LTK: variants seen among roughly 807,000 people sequenced by gnomAD.
The protein encoded by LTK is leukocyte tyrosine kinase receptor.
LTK carries 117 observed loss-of-function variants against 101.5 expected under a neutral mutation model. That is an observed-to-expected ratio of 1.15 (90% CI 0.99 to 1.34). LTK has a LOEUF of 1.34. Among genes scored for constraint, LTK ranks in the 40% most tolerant of loss-of-function variants. LTK has a pLI of 0.00. For synonymous variants in LTK, 563 were observed against 494.2 expected (o/e 1.14, Z -1.85); for missense variants, 1,252 against 1,164.7 (o/e 1.07, Z -1.09).
At chr15:41,504,662 C>T (rs1595455117) in intron 17 of LTK, 22 bp from the exon 18 acceptor site, 2 of 1,610,460 alleles carry the variant, frequency 1.2e-6, no homozygotes, top group Non-Finnish European at 1.7e-6. Flanking sequence ...GTGGGGGAAC[C>T]AAGTGAGGCC....
intron 1 of LTK, 114 bp downstream of exon 1, chr15:41,513,553 G>C (rs937937990): frequency 1.0e-6 from 1 of 967,888 alleles, no homozygotes; most frequent in African/African-American, 1.6e-5. Flanking sequence ...ATTTGGCTGT[G>C]AGAGTTCGAG....
At position 41,506,882 on chromosome 15, in the gene LTK, G is replaced by A. The variant is rs910411555; in HGVS notation, c.1541+213C>T. On this transcript the variant is annotated intron_variant, in intron 11 of 19. Transcript: ENST00000263800. ...TGGGATTACAGGTGTGAGCCACCAC[G>A]CCCAGCTGAGAGATCATATTCTAAG... Among the ~76,000 whole-genome samples the A allele has an allele frequency of 3.3e-5, 5 of 152,324 alleles. No homozygotes were observed. In the South Asian group the frequency reaches 8.3e-4, roughly 25 times the overall value.
At chr15:41,508,961 G>C in intron 8 of LTK, 70 bp downstream of exon 8, 1 of 1,029,272 alleles carries the variant, frequency 9.7e-7, no homozygotes, top group South Asian at 1.5e-5. Flanking sequence ...CTTCAGTGCA[G>C]TGCAGGAGTG....
Position 41,511,685 on chromosome 15 carries a change from C to A in LTK, c.658-107G>T. ...GGGCCTGGATAAGGGCAGGGGCCCC[C>A]AGCCCAGCCCAGGCCAGCCCAGCCC... is the stretch of plus-strand genomic sequence containing the variant. On this transcript the variant is annotated intron_variant, in intron 5 of 19. Coordinates refer to ENST00000263800, the MANE Select transcript of LTK (RefSeq NM_002344.6). The surrounding 1 kb of genome is among the most constrained non-coding windows in gnomAD (Gnocchi z 5.9). 7.1e-7 allele frequency: 1 copy of A among 1,408,136 alleles called. No homozygotes were observed. The highest frequency in any genetic ancestry group is 9.2e-7 in the Non-Finnish European group (1 of 1,088,788). 87.2% of individuals were successfully genotyped at this position (1,408,136 alleles called of 1,614,324 possible).
In LTK at chr15:41,511,215, C is replaced by T; in HGVS notation, c.946G>A (p.Gly316Arg). 1 of 1,389,214 alleles carries T rather than the reference C, an allele frequency of 7.2e-7. No individual in the cohort carries two copies. Among genetic ancestry groups the T allele is most frequent in the East Asian group, 3.1e-5 (1 of 31,888 alleles). 86.1% of individuals were successfully genotyped at this position (1,389,214 alleles called of 1,614,324 possible). A position where few individuals can be genotyped will look rare whatever the true frequency, so the allele number is the denominator to read the frequency against. Residue 316 changes from glycine (G) to arginine (R), a missense_variant, in exon 7 of 20, where the codon GGG becomes AGG. Coordinates refer to ENST00000263800, the MANE Select transcript of LTK (RefSeq NM_002344.6). This position sits in a 1 kb window ranked among gnomAD's most constrained non-coding sequence, Gnocchi z 5.9. Reference protein sequence around the residue: ...TLGWAAAGGFGGGGGACTAGG... With the variant: ...TLGWAAAGGFRGGGGACTAGG... ...GCAGTGCAGGCCCCGCCGCCGCCCCCGAAGCCGCCGGCCGCGGCCCAGCCA... is the reference window on the plus strand; with the variant it reads ...GCAGTGCAGGCCCCGCCGCCGCCCCTGAAGCCGCCGGCCGCGGCCCAGCCA...
chr15:41,507,926 C>T, intron 9 of LTK, 143 bp downstream of exon 9: 1 of 859,612 alleles, frequency 1.2e-6, no homozygotes, highest in African/African-American at 1.7e-5. Flanking sequence ...GCACTGTGCA[C>T]CGATGAATCT....
chr15:41,513,184 A>C, intron 1 of LTK, 64 bp from the exon 2 acceptor site: 1 of 1,504,920 alleles, frequency 6.6e-7, no homozygotes. Context: ...TGAAAGAAAG[A>C]GAGAACCCCG....
chr15:41,511,095 C>T lies in LTK; in HGVS notation c.997+69G>A. 7.6e-7 allele frequency: 1 copy of T among 1,313,064 alleles called. No individual in the cohort carries two copies. Among genetic ancestry groups the T allele is most frequent in the African/African-American group, 1.5e-5 (1 of 65,166 alleles). 81.3% of individuals were successfully genotyped at this position (1,313,064 alleles called of 1,614,324 possible). A position where few individuals can be genotyped will look rare whatever the true frequency, so the allele number is the denominator to read the frequency against. On this transcript the variant is annotated intron_variant, in intron 7 of 19. Coordinates refer to ENST00000263800, the MANE Select transcript of LTK (RefSeq NM_002344.6). The surrounding 1 kb of genome is among the most constrained non-coding windows in gnomAD (Gnocchi z 5.9). ...CACCTATCCTCCCGAGGGCTCCGGC[C>T]TGTACTTAGGTTCTAACATCACCTC...
chr15:41,504,608 GAGA>G lies in LTK; in HGVS notation c.2150_2152del (p.Phe717del). 1 of 1,613,628 alleles carries G rather than the reference GAGA, an allele frequency of 6.2e-7. No homozygotes were observed. Among genetic ancestry groups the G allele is most frequent in the South Asian group, 1.1e-5 (1 of 91,084 alleles). ...CCCAGGATAGGGCATGTAGCCCAGT[GAGA>G]AGATCTCCCAGAGCAGCACCCCAAA... On this transcript the variant is annotated inframe_deletion, in exon 18 of 20. Transcript: ENST00000263800.
Position 41,503,817 on chromosome 15 carries a change from TG to T in LTK, c.*178del. 2.7e-6 allele frequency: 2 copies of T among 742,868 alleles called. No individual in the cohort carries two copies. Among genetic ancestry groups the T allele is most frequent in the Non-Finnish European group, 4.3e-6 (2 of 465,856 alleles). The allele number at this position is 742,868 out of a possible 1,614,324, so 46.0% of individuals were successfully genotyped here. ...TGGCTGGGCCCTTCCCTGGGAGGCC[TG>T]GGCTGGTTTCCAGCATGGCAAGTGC... On this transcript the variant is annotated 3_prime_UTR_variant, in exon 20 of 20. Coordinates refer to ENST00000263800, the MANE Select transcript of LTK (RefSeq NM_002344.6).
chr15:41,505,289 A>G lies in LTK; in HGVS notation c.1844T>C (p.Leu615Pro). 6.2e-7 allele frequency: 1 copy of G among 1,613,976 alleles called. No homozygotes were observed. The highest frequency in any genetic ancestry group is 8.5e-7 in the Non-Finnish European group (1 of 1,179,978). The stretch of plus-strand genomic sequence containing the variant: ...CAGTTGCAGCAGGTCCCGCATGACC[A>G]GAGGTGATGGCTGGCCCTGGGTCAG... ...SRPHLGQPSP[L>P]VMRDLLQLAQ... is the part of the protein sequence containing the mutation. The change falls in exon 15 of 20, where the codon CTG (leucine) becomes CCG (proline). Residue 615 changes from leucine to proline, a missense_variant. Physicochemically the swap from Leu to Pro is moderately conservative, Grantham distance 98 (BLOSUM62 -3). Transcript: ENST00000263800.
In LTK at chr15:41,505,977, C is replaced by A; in HGVS notation, c.1570G>T (p.Val524Leu). ...RALGHGAFGE[V>L]YEGLVIGLPG... ...AGGCCAATTACCAGTCCCTCATACA[C>A]CTCCCCAAAGGCACCATGGCCCAGG... is the stretch of plus-strand genomic sequence containing the variant. The change falls in exon 12 of 20, where the codon GTG becomes TTG. Residue 524 changes from valine (V) to leucine (L), a missense_variant. Transcript: ENST00000263800. 6.2e-7 allele frequency: 1 copy of A among 1,614,004 alleles called. No individual in the cohort carries two copies. Among genetic ancestry groups the A allele is most frequent in the Non-Finnish European group, 8.5e-7 (1 of 1,179,918 alleles).
chr15:41,513,090 T>A lies in LTK; in HGVS notation c.74A>T (p.Gln25Leu). Residue 25 changes from glutamine to leucine, a missense_variant, in exon 2 of 20, where the codon CAG (glutamine) becomes CTG (leucine). Gln to Leu is a moderately radical substitution (Grantham distance 113). Coordinates refer to ENST00000263800, the MANE Select transcript of LTK (RefSeq NM_002344.6). ...GGGCGAGGACCGCAGAAAAGTCTCC[T>A]GGGACCCCGGGCTAGAGCAGAGAAT... ...GAILCSSPGS[Q>L]ETFLRSSPLP... 6.2e-7 allele frequency: 1 copy of A among 1,609,328 alleles called. No individual in the cohort carries two copies. The highest frequency in any genetic ancestry group is 8.5e-7 in the Non-Finnish European group (1 of 1,178,276).
intron 7 of LTK, among the ~76,000 whole-genome samples, chr15:41,510,330 A>T (rs945018771): frequency 6.6e-6 from 1 of 152,112 alleles, no homozygotes; most frequent in African/African-American, 2.4e-5. Flanking sequence ...TCAAGAATAC[A>T]TCGTCATTAA....
In LTK at chr15:41,511,225, GGCCGCGGCCCAGCCAAGGGTC is replaced by G. The variant is rs2051447388; in HGVS notation, c.915_935del (p.Thr306_Ala312del). 1.4e-6 allele frequency: 2 copies of G among 1,396,034 alleles called. No homozygotes were observed. Among genetic ancestry groups the G allele is most frequent in the Non-Finnish European group, 1.9e-6 (2 of 1,079,612 alleles). 86.5% of individuals were successfully genotyped at this position (1,396,034 alleles called of 1,614,324 possible). On this transcript the variant is annotated inframe_deletion, in exon 7 of 20. Transcript: ENST00000263800. This position sits in a 1 kb window ranked among gnomAD's most constrained non-coding sequence, Gnocchi z 5.9. ...CCCCGCCGCCGCCCCCGAAGCCGCC[GGCCGCGGCCCAGCCAAGGGTC>G]GCCCAAGCCTCGGAGCAGCCCTGGC...
At position 41,512,253 on chromosome 15, in the gene LTK, G is replaced by T. The variant is rs1342460150; in HGVS notation, c.372C>A (p.Tyr124Ter). Residue 124 changes from tyrosine (Y) to a stop codon, truncating the protein, a stop_gained, in exon 4 of 20, where the codon TAC becomes TAA. Transcript: ENST00000263800. LOFTEE classifies it high-confidence loss of function. ...TGGCGCCTTTGCCGCCCGCGGCTCC[G>T]TAGGCTGAGATCCTGCGGGGAACGG... ...PGPGQYLISA[Y>*]GAAGGKGAKN... is the part of the protein sequence containing the mutation. 3.7e-6 allele frequency: 6 copies of T among 1,612,372 alleles called. No homozygotes were observed. The highest frequency in any genetic ancestry group is 5.1e-6 in the Non-Finnish European group (6 of 1,179,630).
At position 41,510,643 on chromosome 15, in the gene LTK, G is replaced by T. The variant is rs897010749; in HGVS notation, c.997+521C>A. 2.0e-5 allele frequency among the ~76,000 whole-genome samples: 3 copies of T among 152,200 alleles called. No individual in the cohort carries two copies. The East Asian group carries it at 5.8e-4, about 29-fold the overall frequency. On this transcript the variant is annotated intron_variant, in intron 7 of 19. Transcript: ENST00000263800. ...CGCCCGGCTAATTTTTGTATTTTTA[G>T]TACAGACAGGGTTTCACAGGTTGGC...
Position 41,511,981 on chromosome 15 carries a change from G to C in LTK, c.511-18C>G, listed in dbSNP as rs777117769. 9.6e-6 allele frequency: 14 copies of C among 1,453,546 alleles called. No homozygotes were observed. The East Asian group carries it at 1.3e-4, about 13-fold the overall frequency. The allele number at this position is 1,453,546 out of a possible 1,614,324, so 90.0% of individuals were successfully genotyped here. A position where few individuals can be genotyped will look rare whatever the true frequency, so the allele number is the denominator to read the frequency against. Reference sequence around the variant, plus strand: ...GGGCTACCCTGCGGGCAGCGGGGGAGGGAATCGGCGGGGCCCGGGAGCCTC... The same window carrying C: ...GGGCTACCCTGCGGGCAGCGGGGGACGGAATCGGCGGGGCCCGGGAGCCTC... On this transcript the variant is annotated intron_variant, in intron 4 of 19. Coordinates refer to ENST00000263800, the MANE Select transcript of LTK (RefSeq NM_002344.6). This position sits in a 1 kb window ranked among gnomAD's most constrained non-coding sequence, Gnocchi z 5.9.
Position 41,504,565 on chromosome 15 carries a change from C to G in LTK, c.2196G>C (p.Val732=). The stretch of plus-strand genomic sequence containing the variant: ...GGCCTCCTCCAACGACGAAGTCCAG[C>G]ACCTCCTGGTTGGTGCGCCCAGGAT... ...MPYPGRTNQE[V]LDFVVGGGRM... is the part of the protein sequence containing the mutation. Residue 732 remains valine, a synonymous_variant, in exon 18 of 20, where the codon GTG becomes GTC. Transcript: ENST00000263800. The G allele has an allele frequency of 6.2e-7, 1 of 1,613,902 alleles. No individual in the cohort carries two copies. Among genetic ancestry groups the G allele is most frequent in the Non-Finnish European group, 8.5e-7 (1 of 1,180,002 alleles).
Sources: gnomAD v4.1 joint callset for allele counts (sites outside exome capture counted in the v4.1 genomes callset) on GRCh38, gnomAD v4.1.1 for gene constraint, Gnocchi (gnomAD v3.1) non-coding constraint, MANE v1.5 for transcripts, NCBI Gene and HGNC (gene_info 2026-07-23, HGNC 2026-07-21) for gene names.